Variants in NKAIN2 observed in about 807,000 individuals in gnomAD.
NKAIN2 encodes sodium/potassium transporting ATPase interacting 2.
In NKAIN2, 14 loss-of-function variants were observed where a neutral mutation model predicts 32.6. The observed-to-expected ratio is 0.43, with a 90% CI of 0.28 to 0.67. The LOEUF (loss-of-function observed/expected upper bound fraction) is 0.67, where lower values mean the gene tolerates loss of function less well. NKAIN2 is among the 30% of genes least tolerant of loss of function. The probability of loss-of-function intolerance (pLI) is 0.17; values close to 1 mark genes in which losing one functional copy is unlikely to be tolerated. For synonymous variants in NKAIN2, 80 were observed against 87.2 expected (o/e 0.92, Z 0.46); for missense variants, 198 against 258.3 (o/e 0.77, Z 1.60).
chr6:124,376,799 G>A (rs573318608), intron 3 of NKAIN2, among the ~76,000 whole-genome samples: 7 of 151,692 alleles, frequency 4.6e-5, no homozygotes, highest in Non-Finnish European at 7.4e-5. Context: ...ATTCTTTCTT[G>A]GAAAAATGAC....
At chr6:123,914,752 G>C (rs1775404896) in intron 1 of NKAIN2, among the ~76,000 whole-genome samples, 1 of 152,130 alleles carries the variant, frequency 6.6e-6, no homozygotes, top group Non-Finnish European at 1.5e-5. Flanking sequence ...GGCAAAAAGA[G>C]TAGAGATATT....
chr6:124,788,855 G>A (rs1375783213), intron 4 of NKAIN2, among the ~76,000 whole-genome samples: 1 of 152,006 alleles, frequency 6.6e-6, no homozygotes, highest in Non-Finnish European at 1.5e-5. Flanking sequence ...CCACTGGGGA[G>A]GTAAAATTAA....
intron 1 of NKAIN2, among the ~76,000 whole-genome samples, chr6:123,843,816 A>G (rs1191297109): frequency 2.0e-5 from 3 of 152,046 alleles, no homozygotes; most frequent in Non-Finnish European, 4.4e-5. Context: ...TGGGTGAACA[A>G]AGGTTGTCTT....
At chr6:124,300,100 C>A (rs1796234550) in intron 2 of NKAIN2, among the ~76,000 whole-genome samples, 1 of 152,106 alleles carries the variant, frequency 6.6e-6, no homozygotes, top group Non-Finnish European at 1.5e-5. Context: ...TTCCAACCCC[C>A]AATTCCTCTT....
chr6:123,938,361 G>A (rs1776618976), intron 1 of NKAIN2, among the ~76,000 whole-genome samples: 1 of 131,858 alleles, frequency 7.6e-6, no homozygotes, highest in Non-Finnish European at 1.6e-5. Context: ...AGAACAATTT[G>A]CAATTGCCGT....
At chr6:124,356,356 T>C (rs1043156520) in intron 3 of NKAIN2, among the ~76,000 whole-genome samples, 1 of 152,220 alleles carries the variant, frequency 6.6e-6, no homozygotes, top group African/African-American at 2.4e-5. Context: ...CATCATGTGA[T>C]GTTTGTTTAT....
intron 3 of NKAIN2, among the ~76,000 whole-genome samples, chr6:124,645,470 A>G (rs1784135554): frequency 6.6e-6 from 1 of 152,210 alleles, no homozygotes; most frequent in Non-Finnish European, 1.5e-5. Flanking sequence ...AAAACTGCAT[A>G]CTATGCAGCA....
intron 1 of NKAIN2, among the ~76,000 whole-genome samples, chr6:124,077,276 T>A (rs1469774782): frequency 6.6e-6 from 1 of 152,230 alleles, no homozygotes; most frequent in Non-Finnish European, 1.5e-5. Flanking sequence ...AGTCTTTAAA[T>A]CTTTTTCCAT....
chr6:124,300,059 G>A (rs977136556), intron 2 of NKAIN2, among the ~76,000 whole-genome samples: 2 of 152,148 alleles, frequency 1.3e-5, no homozygotes, highest in Non-Finnish European at 2.9e-5. Flanking sequence ...ATGTTGGCAG[G>A]ATGGTTGAGA....
At chr6:124,551,321 T>G (rs1780278863) in intron 3 of NKAIN2, among the ~76,000 whole-genome samples, 1 of 152,210 alleles carries the variant, frequency 6.6e-6, no homozygotes, top group Admixed American at 6.5e-5. Flanking sequence ...ATATTGCAAC[T>G]GCAGCTGAGA....
chr6:123,935,733 G>GT (rs1164082184), intron 1 of NKAIN2, among the ~76,000 whole-genome samples: 2 of 152,006 alleles, frequency 1.3e-5, no homozygotes, highest in African/African-American at 4.8e-5. Flanking sequence ...TTCTAACAGA[G>GT]TTAATACAGG....
chr6:124,271,132 T>G (rs886703092), intron 1 of NKAIN2, among the ~76,000 whole-genome samples: 2 of 152,120 alleles, frequency 1.3e-5, no homozygotes, highest in Non-Finnish European at 2.9e-5. Flanking sequence ...ATGTAAAAGG[T>G]ACCTTGCTTC....
intron 1 of NKAIN2, among the ~76,000 whole-genome samples, chr6:124,138,719 T>C (rs1786971188): frequency 1.4e-5 from 2 of 144,852 alleles, no homozygotes; most frequent in Admixed American, 6.8e-5. Context: ...TATCACATTA[T>C]ATATTATATA....
At chr6:124,224,983 G>T (rs1792031565) in intron 1 of NKAIN2, among the ~76,000 whole-genome samples, 1 of 151,914 alleles carries the variant, frequency 6.6e-6, no homozygotes, top group Admixed American at 6.6e-5. Context: ...GGGCCCCAAG[G>T]TAACTAAAAA....
At chr6:124,090,764 T>A (rs1041834136) in intron 1 of NKAIN2, among the ~76,000 whole-genome samples, 2 of 152,074 alleles carry the variant, frequency 1.3e-5, no homozygotes, top group African/African-American at 4.8e-5. Context: ...CATAAAGTGC[T>A]GAGCATATTG....
At chr6:124,207,612 A>G (rs1275080651) in intron 1 of NKAIN2, among the ~76,000 whole-genome samples, 1 of 151,744 alleles carries the variant, frequency 6.6e-6, no homozygotes, top group Non-Finnish European at 1.5e-5. Context: ...TAAGCTTGGC[A>G]CATAACTGCT....
At chr6:123,953,745 G>C (rs1206605831) in intron 1 of NKAIN2, among the ~76,000 whole-genome samples, 4 of 152,168 alleles carry the variant, frequency 2.6e-5, no homozygotes. Context: ...GTCCCATGGT[G>C]GTGCTTGCAG....
rs115957130 is a variant in NKAIN2 at position 124,697,635 on chromosome 6, T to G, written c.474+39249T>G. On this transcript the variant is annotated intron_variant, in intron 4 of 6. Transcript: ENST00000368417. ...AGCCTGCAAAATAAGTGTAGGTTAATAGGCATTTGTTTTTTACTTGCAGCA... is the reference window on the plus strand; with the variant it reads ...AGCCTGCAAAATAAGTGTAGGTTAAGAGGCATTTGTTTTTTACTTGCAGCA... 5.1e-3 allele frequency among the ~76,000 whole-genome samples: 784 copies of G among 152,306 alleles called. 4 individuals carry two copies. The highest frequency in any genetic ancestry group is 0.018 in the African/African-American group (757 of 41,574).
chr6:123,833,843 T>C (rs558210518), intron 1 of NKAIN2, among the ~76,000 whole-genome samples: 1 of 151,548 alleles, frequency 6.6e-6, no homozygotes, highest in South Asian at 2.1e-4. Context: ...TTCTCCTGGC[T>C]CAGCCTCCTG....
Sources: gnomAD v4.1 joint callset for allele counts (sites outside exome capture counted in the v4.1 genomes callset) on GRCh38, gnomAD v4.1.1 for gene constraint, MANE v1.5 for transcripts, NCBI Gene and HGNC (gene_info 2026-07-23, HGNC 2026-07-21) for gene names.